DCC: variants seen among roughly 807,000 people sequenced by gnomAD.
The protein encoded by DCC is netrin receptor DCC.
A neutral mutation model predicts 172.5 loss-of-function variants in DCC; 58 were observed. The ratio of observed to expected loss-of-function variants is 0.34; its 90% confidence interval spans 0.27 to 0.42. DCC has a LOEUF of 0.42. Ranked by LOEUF, DCC falls within the 10% of genes least tolerant of loss-of-function variation. The pLI, the probability that DCC is intolerant of heterozygous loss-of-function variation, is 1.00. For synonymous variants in DCC, 709 were observed against 644.5 expected (o/e 1.10, Z -1.52); for missense variants, 1,740 against 1,791.0 (o/e 0.97, Z 0.51).
At chr18:53,313,005 G>A (rs1568049082) in intron 13 of DCC, among the ~76,000 whole-genome samples, 4 of 130,108 alleles carry the variant, frequency 3.1e-5, no homozygotes, top group East Asian at 2.3e-4. Flanking sequence ...AGGGAGGAAG[G>A]AAGGGAGGAA....
At chr18:53,300,903 C>T (rs1359192431) in intron 12 of DCC, among the ~76,000 whole-genome samples, 2 of 138,802 alleles carry the variant, frequency 1.4e-5, no homozygotes, top group African/African-American at 5.0e-5. Context: ...TGCTCCATGA[C>T]TGAAGCAGGG....
rs549021473 is a variant in DCC, at chr18:53,437,007, TC to T, written c.3229+1799del. Among the ~76,000 whole-genome samples, 513 of 152,282 alleles carry T rather than the reference TC, an allele frequency of 3.4e-3. 3 individuals carry two copies. Among genetic ancestry groups the T allele is most frequent in the Middle Eastern group, 0.024 (7 of 294 alleles). On this transcript the variant is annotated intron_variant, in intron 22 of 28. Coordinates refer to ENST00000442544, the MANE Select transcript of DCC (RefSeq NM_005215.4). ...AATCCCGTTTATGAGGCCACCACTC[TC>T]ATGACCTAATTATCTCCCAAAGCCT...
chr18:53,326,442 A>C (rs2057469138), intron 14 of DCC, among the ~76,000 whole-genome samples: 1 of 152,156 alleles, frequency 6.6e-6, no homozygotes, highest in African/African-American at 2.4e-5. Flanking sequence ...ATACTTCCTC[A>C]AAGTGATTTT....
intron 1 of DCC, among the ~76,000 whole-genome samples, chr18:52,584,245 C>T (rs962469210): frequency 1.3e-5 from 2 of 152,184 alleles, no homozygotes; most frequent in African/African-American, 4.8e-5. Context: ...TGGCTTCTAG[C>T]CCAGCACTTT....
At chr18:52,480,347 T>G (rs138559060) in intron 1 of DCC, among the ~76,000 whole-genome samples, 1 of 152,220 alleles carries the variant, frequency 6.6e-6, no homozygotes, top group African/African-American at 2.4e-5. Context: ...ATTATTAAAG[T>G]GAGACAAACA....
intron 1 of DCC, among the ~76,000 whole-genome samples, chr18:52,453,233 C>T (rs2144521075): frequency 6.6e-6 from 1 of 152,288 alleles, no homozygotes; most frequent in South Asian, 2.1e-4. Flanking sequence ...CACTAAATAA[C>T]CCAGGTAGTC....
chr18:53,301,947 A>T (rs546750608), intron 12 of DCC, among the ~76,000 whole-genome samples: 106 of 152,200 alleles, frequency 7.0e-4, no homozygotes, highest in African/African-American at 2.5e-3. Context: ...ACAGGCATTT[A>T]TTTTCTCACA....
At chr18:52,733,296 T>A (rs951761622) in intron 1 of DCC, among the ~76,000 whole-genome samples, 3 of 152,154 alleles carry the variant, frequency 2.0e-5, no homozygotes, top group Non-Finnish European at 4.4e-5. Flanking sequence ...GATTCACGTA[T>A]CATTTTTCAT....
chr18:53,228,746 T>C (rs1405857624), intron 12 of DCC, among the ~76,000 whole-genome samples: 1 of 152,114 alleles, frequency 6.6e-6, no homozygotes, highest in Non-Finnish European at 1.5e-5. Context: ...AAGGAAAAGT[T>C]GAGGGGCCCC....
intron 23 of DCC, among the ~76,000 whole-genome samples, chr18:53,451,315 T>C (rs1007171432): frequency 6.6e-6 from 1 of 152,220 alleles, no homozygotes; most frequent in African/African-American, 2.4e-5. Context: ...TACATCAAAG[T>C]ACAAAGTTTA....
chr18:53,280,134 G>A lies in DCC; in HGVS notation c.1912-25444G>A, dbSNP rs117296560. On this transcript the variant is annotated intron_variant, in intron 12 of 28. Coordinates refer to ENST00000442544, the MANE Select transcript of DCC (RefSeq NM_005215.4). ...CCTAGGCTTCTGTTGAAGCCTATGG[G>A]CTAATTTTTTCATGATACTGCCTGT... Among the ~76,000 whole-genome samples the A allele has an allele frequency of 2.9e-3, 446 of 152,180 alleles. 4 individuals carry two copies. The highest frequency in any genetic ancestry group is 0.022 in the Admixed American group (332 of 15,264).
intron 1 of DCC, among the ~76,000 whole-genome samples, chr18:52,564,925 C>G (rs896113332): frequency 1.3e-5 from 2 of 151,988 alleles, no homozygotes; most frequent in South Asian, 4.1e-4. Flanking sequence ...GAGAGTAATA[C>G]TGACTTCAGT....
At chr18:53,023,105 C>A (rs1249979912) in intron 5 of DCC, among the ~76,000 whole-genome samples, 9 of 151,888 alleles carry the variant, frequency 5.9e-5, no homozygotes, top group African/African-American at 2.2e-4. Flanking sequence ...TGCTTTGATG[C>A]ACTTTTTCTA....
At chr18:52,931,439 C>T (rs1027415553) in intron 5 of DCC, among the ~76,000 whole-genome samples, 8 of 151,994 alleles carry the variant, frequency 5.3e-5, no homozygotes, top group Admixed American at 3.9e-4. Flanking sequence ...TCTTGTTTTG[C>T]CTTTCAACTT....
At chr18:53,104,236 G>T (rs1028283168) in intron 7 of DCC, among the ~76,000 whole-genome samples, 1 of 151,930 alleles carries the variant, frequency 6.6e-6, no homozygotes, top group Admixed American at 6.6e-5. Flanking sequence ...CTAGTGATAT[G>T]GTTTGGCTCT....
At chr18:53,383,719 T>C (rs929135437) in intron 15 of DCC, among the ~76,000 whole-genome samples, 2 of 151,722 alleles carry the variant, frequency 1.3e-5, no homozygotes, top group Non-Finnish European at 2.9e-5. Context: ...AGAGAAAAAG[T>C]ACAATTTTGA....
intron 2 of DCC, among the ~76,000 whole-genome samples, chr18:52,811,238 A>G (rs2038192515): frequency 6.6e-6 from 1 of 152,234 alleles, no homozygotes; most frequent in African/African-American, 2.4e-5. Flanking sequence ...TTTATGAATA[A>G]AAATGACCTA....
chr18:52,934,926 A>G (rs902954646), intron 5 of DCC: 1 of 152,160 alleles, frequency 6.6e-6, no homozygotes, highest in African/African-American at 2.4e-5. Flanking sequence ...CTCCAGAGCT[A>G]TAAGAAAGTA....
chr18:52,830,317 G>A lies in DCC; in HGVS notation c.413-75727G>A, dbSNP rs540005992. Among the ~76,000 whole-genome samples, 41 of 152,268 alleles carry A rather than the reference G, an allele frequency of 2.7e-4. 1 individual carries two copies. The highest frequency in any genetic ancestry group is 8.3e-4 in the South Asian group (4 of 4,828). On this transcript the variant is annotated intron_variant, in intron 2 of 28. Transcript: ENST00000442544. ...TAGTTTTTTTAGCTCATCAGCTATCGTTAGTGTATTTTATGTGTGGCCCAA... is the reference window on the plus strand; with the variant it reads ...TAGTTTTTTTAGCTCATCAGCTATCATTAGTGTATTTTATGTGTGGCCCAA...
Sources: gnomAD v4.1 joint callset for allele counts (sites outside exome capture counted in the v4.1 genomes callset) on GRCh38, gnomAD v4.1.1 for gene constraint, MANE v1.5 for transcripts, NCBI Gene and HGNC (gene_info 2026-07-23, HGNC 2026-07-21) for gene names.